DGKB: variants seen among roughly 807,000 people sequenced by gnomAD.
DGKB encodes diacylglycerol kinase beta.
In DGKB, 67 loss-of-function variants were observed where a neutral mutation model predicts 114.3. That is an observed-to-expected ratio of 0.59 (90% CI 0.48 to 0.72). The LOEUF is 0.72. Among genes scored for constraint, DGKB ranks in the 30% least tolerant of loss-of-function variants. DGKB has a pLI of 0.00. For missense variants in DGKB, 907 were observed against 975.2 expected (o/e 0.93, Z 0.93); for synonymous variants, 398 against 323.1 (o/e 1.23, Z -2.49).
chr7:14,501,137 A>G (rs1465475120), intron 20 of DGKB, among the ~76,000 whole-genome samples: 1 of 151,904 alleles, frequency 6.6e-6, no homozygotes, highest in Non-Finnish European at 1.5e-5. Context: ...CCAGTGTACT[A>G]CCAATAACAT....
chr7:14,518,396 T>C (rs1403668464), intron 20 of DGKB, among the ~76,000 whole-genome samples: 1 of 151,782 alleles, frequency 6.6e-6, no homozygotes, highest in Non-Finnish European at 1.5e-5. Context: ...ATAATCTGTA[T>C]ATCAAACCCC....
At chr7:14,580,756 T>A (rs1563575919) in intron 19 of DGKB, 106 bp downstream of exon 19, 3 of 711,928 alleles carry the variant, frequency 4.2e-6, no homozygotes, top group Non-Finnish European at 7.0e-6. Flanking sequence ...ACATCAGTTA[T>A]CTTCACTGAA....
intron 18 of DGKB, among the ~76,000 whole-genome samples, chr7:14,581,705 A>T (rs1799958304): frequency 6.6e-6 from 1 of 152,146 alleles, no homozygotes; most frequent in South Asian, 2.1e-4. Context: ...CAGTGTACAT[A>T]TGTGTGTAGG....
Position 14,148,302 on chromosome 7 carries a change from GCA to G in DGKB, c.*827_*828del, listed in dbSNP as rs1291443228. ...TTATGCATTAACCCATTTCTCTCAA[GCA>G]TTGTTTTCTGAATCTTTGGTGGGAA... is the stretch of plus-strand genomic sequence containing the variant. On this transcript the variant is annotated 3_prime_UTR_variant, in exon 26 of 26. Transcript: ENST00000402815. 2 of 152,484 alleles carry G rather than the reference GCA, an allele frequency of 1.3e-5. No homozygotes were observed. Among genetic ancestry groups the G allele is most frequent in the Admixed American group, 1.3e-4 (2 of 15,240 alleles). The allele number at this position is 152,484 out of a possible 1,614,324, so 9.4% of individuals were successfully genotyped here.
chr7:14,592,339 C>A (rs1801847553), intron 17 of DGKB, among the ~76,000 whole-genome samples: 1 of 151,898 alleles, frequency 6.6e-6, no homozygotes, highest in South Asian at 2.1e-4. Context: ...ATTTCAAGAG[C>A]TTTCCTTACG....
intron 1 of DGKB, among the ~76,000 whole-genome samples, chr7:14,953,809 A>G (rs1786342306): frequency 6.6e-6 from 1 of 152,146 alleles, no homozygotes; most frequent in Non-Finnish European, 1.5e-5. Flanking sequence ...TTAGGGTTAA[A>G]ATAAAAATCC....
chr7:14,334,108 T>C (rs866203289), intron 23 of DGKB, among the ~76,000 whole-genome samples: 7 of 152,198 alleles, frequency 4.6e-5, no homozygotes, highest in Non-Finnish European at 7.3e-5. Context: ...CATTTAGGTA[T>C]CATCACTTTG....
chr7:14,660,312 C>T (rs1300412597), intron 13 of DGKB, among the ~76,000 whole-genome samples: 1 of 151,612 alleles, frequency 6.6e-6, no homozygotes, highest in African/African-American at 2.4e-5. Flanking sequence ...GGAATGGTAC[C>T]AGTTCCTCCT....
intron 21 of DGKB, among the ~76,000 whole-genome samples, chr7:14,366,147 G>GT (rs1816640674): frequency 6.6e-6 from 1 of 152,040 alleles, no homozygotes; most frequent in Non-Finnish European, 1.5e-5. Context: ...GATGTAGACT[G>GT]TTTTTTATTT....
intron 23 of DGKB, among the ~76,000 whole-genome samples, chr7:14,250,336 T>C (rs1343777731): frequency 3.3e-5 from 5 of 151,996 alleles, no homozygotes. Context: ...CACATGGGTT[T>C]CAGTAGGTTT....
intron 1 of DGKB, among the ~76,000 whole-genome samples, chr7:14,860,387 C>A (rs1850798517): frequency 6.6e-6 from 1 of 151,996 alleles, no homozygotes; most frequent in Admixed American, 6.6e-5. Flanking sequence ...CAATTGCATA[C>A]ATTCACGTCT....
chr7:14,482,253 C>G lies in DGKB; in HGVS notation c.1771-4028G>C, dbSNP rs565166349. 2.6e-5 allele frequency among the ~76,000 whole-genome samples: 4 copies of G among 152,040 alleles called. No homozygotes were observed. The East Asian group carries it at 7.7e-4, about 29-fold the overall frequency. ...GCAAGAAAATAAATGTTAACTATTA[C>G]TATTACTGAAAAATATTCATGATTT... On this transcript the variant is annotated intron_variant, in intron 20 of 25. Coordinates refer to ENST00000402815, the MANE Select transcript of DGKB (RefSeq NM_001350709.2).
chr7:14,621,551 G>A (rs1807659859), intron 14 of DGKB, 57 bp from the exon 15 acceptor site: 3 of 1,082,210 alleles, frequency 2.8e-6, no homozygotes, highest in East Asian at 5.2e-5. Context: ...ATAATAAAAT[G>A]TTAAGTTGTT....
chr7:14,758,730 A>C (rs1835237750), intron 2 of DGKB, among the ~76,000 whole-genome samples: 1 of 152,150 alleles, frequency 6.6e-6, no homozygotes, highest in Admixed American at 6.6e-5. Context: ...ACTAATTCAC[A>C]AATTAGCTTT....
intron 20 of DGKB, among the ~76,000 whole-genome samples, chr7:14,516,653 A>G (rs1020333397): frequency 6.6e-6 from 1 of 152,168 alleles, no homozygotes; most frequent in Non-Finnish European, 1.5e-5. Context: ...ATGGGATTGC[A>G]TTCTTGATTT....
chr7:14,305,050 A>C (rs1348422421), intron 23 of DGKB, among the ~76,000 whole-genome samples: 1 of 152,178 alleles, frequency 6.6e-6, no homozygotes, highest in Admixed American at 6.6e-5. Flanking sequence ...TGATATTTTC[A>C]CATATGCATA....
chr7:14,363,360 A>G (rs961612815), intron 21 of DGKB, among the ~76,000 whole-genome samples: 3 of 152,154 alleles, frequency 2.0e-5, no homozygotes, highest in African/African-American at 7.2e-5. Flanking sequence ...AGCAGAAAAG[A>G]CACGAACTGT....
intron 1 of DGKB, among the ~76,000 whole-genome samples, chr7:14,888,720 A>G (rs1479749313): frequency 6.6e-6 from 1 of 151,696 alleles, no homozygotes; most frequent in African/African-American, 2.4e-5. Flanking sequence ...TCTTTGTGTA[A>G]AGAAGGTTTT....
chr7:14,269,461 G>A (rs1357419328), intron 23 of DGKB, among the ~76,000 whole-genome samples: 1 of 152,170 alleles, frequency 6.6e-6, no homozygotes, highest in Non-Finnish European at 1.5e-5. Context: ...TGAATTAGAG[G>A]TGACAGTGTA....
Sources: allele counts gnomAD v4.1 joint callset (sites outside exome capture counted in the v4.1 genomes callset), GRCh38; gene constraint gnomAD v4.1.1; transcripts MANE v1.5; gene names NCBI Gene and HGNC (gene_info 2026-07-23, HGNC 2026-07-21).